Variants in GTPBP6 observed in about 807,000 individuals in gnomAD.
The protein encoded by GTPBP6 is putative GTP-binding protein 6.
A neutral mutation model predicts 28.9 loss-of-function variants in GTPBP6; 33 were observed. The observed-to-expected ratio is 1.14, with a 90% CI of 0.87 to 1.53. GTPBP6 has a LOEUF of 1.53. Ranked by LOEUF, GTPBP6 falls within the 40% of genes most tolerant of loss-of-function variation. GTPBP6 has a pLI of 0.00. For synonymous variants in GTPBP6, 231 were observed against 192.7 expected, an observed-to-expected ratio of 1.20 and a Z score of -1.65; for missense variants, 507 against 408.3, an observed-to-expected ratio of 1.24 and a Z score of -2.08.
chrX:311,414 C>T lies in GTPBP6; in HGVS notation c.1125+5G>A, dbSNP rs1408913556. 7.7e-7 allele frequency: 1 copy of T among 1,295,086 alleles called. No individual in the cohort carries two copies. The highest frequency in any genetic ancestry group is 1.5e-5 in the South Asian group (1 of 66,214). 80.2% of individuals were successfully genotyped at this position (1,295,086 alleles called of 1,614,324 possible). ...GCACCCGATCCCCGGCCGTCCCACG[C>T]TCACCGAGTGGGCCACGTCTTCCAG... is the stretch of plus-strand genomic sequence containing the variant. On this transcript the variant is annotated splice_donor_5th_base_variant and intron_variant, in intron 7 of 9. Transcript: ENST00000326153.
chrX:313,321 C>T (rs986791331), intron 5 of GTPBP6, among the ~76,000 whole-genome samples: 6 of 152,140 alleles, frequency 3.9e-5, no homozygotes, highest in East Asian at 1.9e-4. Context: ...TTTGTAGGGT[C>T]TCAAAATATC....
exon 10 of GTPBP6, chrX:305,114 T>G (rs757268175): frequency 1.2e-6 from 2 of 1,613,328 alleles, no homozygotes; most frequent in South Asian, 1.1e-5. Context: ...GTAGGCTGAG[T>G]TGCTGATGAT....
intron 9 of GTPBP6, 127 bp from the exon 10 acceptor site, chrX:305,324 GT>G (rs375287376): frequency 0.042 from 24,743 of 590,828 alleles, 20 homozygotes; most frequent in East Asian, 0.051. Context: ...GTTTCCTTTT[GT>G]TTTTTTTTTT....
intron 2 of GTPBP6, among the ~76,000 whole-genome samples, chrX:316,534 G>C (rs7198558): frequency 0.3 from 45,685 of 152,030 alleles, 6,963 homozygotes; most frequent in South Asian, 0.43. Flanking sequence ...CGCAAGGATC[G>C]CATGCTGGAC....
chrX:307,277 G>T, intron 9 of GTPBP6, 83 bp downstream of exon 9: 1 of 1,305,794 alleles, frequency 7.7e-7, no homozygotes, highest in Non-Finnish European at 1.1e-6. Flanking sequence ...ACAGCTCCTT[G>T]TGCACCCACG....
At position 314,226 on chromosome X, in the gene GTPBP6, G is replaced by A. The variant is rs1431013786; in HGVS notation, c.690-9C>T. 1.2e-6 allele frequency: 2 copies of A among 1,612,158 alleles called. No homozygotes were observed. Among genetic ancestry groups the A allele is most frequent in the South Asian group, 2.2e-5 (2 of 91,032 alleles). Reference sequence around the variant, plus strand: ...CCCTTTTCAAGTTCGACCTGGTGTGGGAACGGGAGTGGCTCGGTCTCTGCG... The same window carrying A: ...CCCTTTTCAAGTTCGACCTGGTGTGAGAACGGGAGTGGCTCGGTCTCTGCG... On this transcript the variant is annotated splice_polypyrimidine_tract_variant and intron_variant, in intron 4 of 9. Coordinates refer to ENST00000326153, the Ensembl canonical transcript of GTPBP6.
intron 6 of GTPBP6, 63 bp from the exon 7 acceptor site, chrX:311,690 G>T: frequency 7.4e-7 from 1 of 1,347,106 alleles, no homozygotes; most frequent in Non-Finnish European, 1.1e-6. Context: ...TAGCGCCGCA[G>T]CCAGGCCCTC....
At chrX:306,655 T>C (rs1026821908) in intron 9 of GTPBP6, among the ~76,000 whole-genome samples, 5 of 148,952 alleles carry the variant, frequency 3.4e-5, no homozygotes, top group Non-Finnish European at 3.0e-5. Context: ...ATTAGGCACC[T>C]GTTGTATGCA....
rs377238238 is a variant in GTPBP6, at chrX:311,206, C to G, written c.1125+213G>C. Among the ~76,000 whole-genome samples the G allele has an allele frequency of 7.0e-5, 10 of 143,490 alleles. No homozygotes were observed. The South Asian group carries it at 9.4e-4, about 13-fold the overall frequency. The allele number at this position is 143,490 out of a possible 152,430, so 94.1% of individuals were successfully genotyped here. ...CGAGTTGGGTGGGTGTCTGAGGGCC[C>G]GGCCCCTGGCTTTGTGTGTGTCTGA... On this transcript the variant is annotated intron_variant, in intron 7 of 9. Transcript: ENST00000326153.
intron 6 of GTPBP6, chrX:312,325 G>T (rs763921803): frequency 2.1e-6 from 1 of 467,692 alleles, no homozygotes; most frequent in South Asian, 1.6e-5. Context: ...GGTATAGATG[G>T]GGTAGTGGTG....
chrX:311,348 T>A (rs1173603248), intron 7 of GTPBP6, 71 bp downstream of exon 7: 1 of 1,155,262 alleles, frequency 8.7e-7, no homozygotes, highest in Non-Finnish European at 1.3e-6. Flanking sequence ...CCTGGCTGTG[T>A]GTGTCTGAGT....
intron 7 of GTPBP6, among the ~76,000 whole-genome samples, 164 bp downstream of exon 7, chrX:311,255 G>T (rs1233284417): frequency 0.04 from 3,166 of 78,434 alleles, 285 homozygotes; most frequent in African/African-American, 0.13. Flanking sequence ...GTGCCCAGTG[G>T]GTGTCCGAGG....
intron 7 of GTPBP6, among the ~76,000 whole-genome samples, chrX:309,115 G>A (rs184269478): frequency 2.4e-4 from 37 of 152,276 alleles, no homozygotes; most frequent in Middle Eastern, 6.8e-3. Context: ...AGCCGCGTCC[G>A]TTCTTTGGGA....
At chrX:316,340 G>GAC (rs1168593634) in intron 2 of GTPBP6, among the ~76,000 whole-genome samples, 3,870 of 94,810 alleles carry the variant, frequency 0.041, 425 homozygotes, top group African/African-American at 0.15. Flanking sequence ...TCCCATTGGG[G>GAC]ACACACACAC....
intron 1 of GTPBP6, among the ~76,000 whole-genome samples, 178 bp from the exon 2 acceptor site, chrX:317,229 G>A (rs1207235414): frequency 2.0e-5 from 3 of 152,128 alleles, no homozygotes; most frequent in Non-Finnish European, 2.9e-5. Context: ...GAATCTGACG[G>A]GAGAAGGACA....
At chrX:315,198 GA>G (rs1469194734) in intron 3 of GTPBP6, 30 bp downstream of exon 3, 1 of 398,520 alleles carries the variant, frequency 2.5e-6, no homozygotes, top group Non-Finnish European at 4.4e-6. Flanking sequence ...GGAGTGCGGG[GA>G]CAAACACAGC....
chrX:314,150 C>CTG lies in GTPBP6; in HGVS notation c.755_756dup (p.Gly253GlnfsTer13). The stretch of plus-strand genomic sequence containing the variant: ...GGACGCCGCGCCCGGCCCGAGTTAC[C>CTG]TGACCCCATGATGTAGCGCGAGCCG... On this transcript the variant is annotated frameshift_variant and splice_region_variant, in exon 5 of 10. Coordinates refer to ENST00000326153, the Ensembl canonical transcript of GTPBP6. LOFTEE classifies it high-confidence loss of function. 1.2e-6 allele frequency: 2 copies of CTG among 1,610,912 alleles called. No individual in the cohort carries two copies. Among genetic ancestry groups the CTG allele is most frequent in the Non-Finnish European group, 1.7e-6 (2 of 1,178,132 alleles).
At chrX:309,065 C>G (rs913416726) in intron 7 of GTPBP6, among the ~76,000 whole-genome samples, 11 of 152,140 alleles carry the variant, frequency 7.2e-5, no homozygotes, top group Non-Finnish European at 1.5e-4. Flanking sequence ...GGAGTCCAGG[C>G]TCCGGGCGGG....
intron 2 of GTPBP6, 56 bp downstream of exon 2, chrX:316,858 G>T (rs1450434552): frequency 2.5e-6 from 1 of 398,762 alleles, no homozygotes; most frequent in East Asian, 3.6e-5. Flanking sequence ...GGATGTTTTC[G>T]GTAGCGGCGG....
Sources: allele counts gnomAD v4.1 joint callset (sites outside exome capture counted in the v4.1 genomes callset), GRCh38; gene constraint gnomAD v4.1.1; transcripts MANE v1.5; gene names NCBI Gene and HGNC (gene_info 2026-07-23, HGNC 2026-07-21).